Variants in AIMP1 observed in about 807,000 individuals in gnomAD.
AIMP1 encodes aminoacyl tRNA synthase complex-interacting multifunctional protein 1.
AIMP1 carries 24 observed loss-of-function variants against 33.1 expected under a neutral mutation model. The observed-to-expected ratio is 0.73, with a 90% CI of 0.53 to 1.02. The LOEUF (loss-of-function observed/expected upper bound fraction) is 1.02. AIMP1 is among the 50% of genes least tolerant of loss of function. The probability of loss-of-function intolerance (pLI) is 0.00; values close to 1 mark genes in which losing one functional copy is unlikely to be tolerated. For synonymous variants in AIMP1, 120 were observed against 121.5 expected, an observed-to-expected ratio of 0.99 and a Z score of 0.08; for missense variants, 367 against 364.8, an observed-to-expected ratio of 1.01 and a Z score of -0.05.
intron 3 of AIMP1, 147 bp downstream of exon 3, chr4:106,327,711 G>T (rs1004871144): frequency 6.3e-6 from 4 of 636,920 alleles, no homozygotes; most frequent in African/African-American, 5.5e-5. Flanking sequence ...AATAAAATGG[G>T]GGCATGGATA....
At chr4:106,324,858 A>G (rs1332509294) in intron 1 of AIMP1, 127 bp from the exon 2 acceptor site, 4 of 745,002 alleles carry the variant, frequency 5.4e-6, no homozygotes, top group Non-Finnish European at 7.8e-6. Context: ...TAGGAAAACT[A>G]TTTTTCTAAG....
chr4:106,347,010 C>T (rs1220354072), intron 6 of AIMP1, among the ~76,000 whole-genome samples: 10 of 152,052 alleles, frequency 6.6e-5, no homozygotes, highest in Admixed American at 4.6e-4. Flanking sequence ...GAGCATCTTA[C>T]GTGGCAGGAG....
rs183215876 is a variant in AIMP1, at chr4:106,324,455, A to G, written c.-25-530A>G. Among the ~76,000 whole-genome samples the G allele has an allele frequency of 1.2e-3, 178 of 152,194 alleles. 1 individual carries two copies. The highest frequency in any genetic ancestry group is 4.0e-3 in the African/African-American group (167 of 41,576). ...TTTTAAAATAAAGACAACGGTATAT[A>G]CTGACATTATATCTGAACAAGCATA... On this transcript the variant is annotated intron_variant, in intron 1 of 6. Coordinates refer to ENST00000672341, the MANE Select transcript of AIMP1 (RefSeq NM_001142416.2).
intron 2 of AIMP1, among the ~76,000 whole-genome samples, chr4:106,326,418 A>G (rs1007822059): frequency 5.3e-5 from 8 of 152,228 alleles, no homozygotes; most frequent in Non-Finnish European, 8.8e-5. Context: ...AATAAATGCC[A>G]GTACTAACAA....
intron 6 of AIMP1, among the ~76,000 whole-genome samples, chr4:106,343,742 A>G (rs1770189925): frequency 6.6e-6 from 1 of 152,238 alleles, no homozygotes; most frequent in Non-Finnish European, 1.5e-5. Context: ...ACAGTACTAC[A>G]GCTAGGAAAC....
Position 106,337,046 on chromosome 4 carries a change from T to C in AIMP1, c.772+9T>C. 1.2e-6 allele frequency: 2 copies of C among 1,610,780 alleles called. No homozygotes were observed. The highest frequency in any genetic ancestry group is 1.7e-6 in the Non-Finnish European group (2 of 1,177,060). ...TTTTGATGCTTTCCCAGGTAGGTAT[T>C]TATTAGTAATTACTTAATAGTTTCG... On this transcript the variant is annotated intron_variant, in intron 6 of 6. Coordinates refer to ENST00000672341, the MANE Select transcript of AIMP1 (RefSeq NM_001142416.2).
chr4:106,320,747 G>GCCCTCT (rs967401757), intron 1 of AIMP1, among the ~76,000 whole-genome samples: 21 of 152,000 alleles, frequency 1.4e-4, no homozygotes, highest in African/African-American at 2.2e-4. Context: ...GAAAAGTATA[G>GCCCTCT]CCCTCTCCCT....
intron 2 of AIMP1, among the ~76,000 whole-genome samples, chr4:106,326,416 C>T (rs889835601): frequency 6.6e-6 from 1 of 152,138 alleles, no homozygotes; most frequent in Admixed American, 6.6e-5. Flanking sequence ...CCAATAAATG[C>T]CAGTACTAAC....
intron 5 of AIMP1, among the ~76,000 whole-genome samples, chr4:106,335,970 T>A (rs1292410609): frequency 1.3e-5 from 2 of 151,240 alleles, no homozygotes; most frequent in African/African-American, 4.9e-5. Context: ...CATAAAAAAT[T>A]TGTAGAACTA....
At chr4:106,338,304 A>C (rs1769967009) in intron 6 of AIMP1, among the ~76,000 whole-genome samples, 1 of 152,236 alleles carries the variant, frequency 6.6e-6, no homozygotes, top group Non-Finnish European at 1.5e-5. Context: ...AGGGCATTTC[A>C]AAGACCTTCA....
At chr4:106,336,769 A>G in intron 5 of AIMP1, 100 bp from the exon 6 acceptor site, 3 of 1,145,696 alleles carry the variant, frequency 2.6e-6, no homozygotes, top group Non-Finnish European at 4.0e-6. Flanking sequence ...CAAAAGTAGA[A>G]CATTTGATAC....
intron 5 of AIMP1, among the ~76,000 whole-genome samples, chr4:106,332,614 C>CATAT (rs34698470): frequency 1.5e-4 from 22 of 144,674 alleles, no homozygotes; most frequent in Non-Finnish European, 2.9e-4. Flanking sequence ...TACAGAGATA[C>CATAT]ATATATATAT....
chr4:106,323,261 C>G lies in AIMP1; in HGVS notation c.-25-1724C>G, dbSNP rs370013553. Among the ~76,000 whole-genome samples, 9 of 152,070 alleles carry G rather than the reference C, an allele frequency of 5.9e-5. No homozygotes were observed. The East Asian group carries it at 1.7e-3, about 29-fold the overall frequency. Reference sequence around the variant, plus strand: ...GGCTAGGATTTATTATCTCTATTTTCAAAATTACTGTTATTCTTAGAAGAT... The same window carrying G: ...GGCTAGGATTTATTATCTCTATTTTGAAAATTACTGTTATTCTTAGAAGAT... On this transcript the variant is annotated intron_variant, in intron 1 of 6. Transcript: ENST00000672341.
At chr4:106,346,920 A>AC (rs1340839959) in intron 6 of AIMP1, among the ~76,000 whole-genome samples, 3 of 152,174 alleles carry the variant, frequency 2.0e-5, no homozygotes, top group African/African-American at 7.2e-5. Context: ...AGCGGGCTGT[A>AC]CAGGAAGCAT....
intron 4 of AIMP1, among the ~76,000 whole-genome samples, chr4:106,331,404 C>G (rs1769671075): frequency 6.6e-6 from 1 of 152,154 alleles, no homozygotes; most frequent in East Asian, 1.9e-4. Flanking sequence ...AAACAGGCAA[C>G]AGGCTGGATT....
chr4:106,336,114 A>G (rs939794930), intron 5 of AIMP1, among the ~76,000 whole-genome samples: 15 of 129,788 alleles, frequency 1.2e-4, no homozygotes, highest in Non-Finnish European at 2.1e-4. Context: ...ATCAAGGCTC[A>G]TTGCAGCCTC....
At chr4:106,322,886 A>C (rs1356951729) in intron 1 of AIMP1, among the ~76,000 whole-genome samples, 3 of 152,012 alleles carry the variant, frequency 2.0e-5, no homozygotes, top group Admixed American at 2.0e-4. Flanking sequence ...TGGGAGGCTA[A>C]GGCAGGAGAA....
chr4:106,316,026 C>G (rs939898691), upstream of AIMP1: 1 of 152,648 alleles, frequency 6.6e-6, no homozygotes, highest in African/African-American at 2.4e-5. Flanking sequence ...GCTGCCGCTA[C>G]GGCTTAGTGC....
chr4:106,318,583 C>G (rs1036160775), intron 1 of AIMP1, among the ~76,000 whole-genome samples: 6 of 152,124 alleles, frequency 3.9e-5, no homozygotes, highest in Non-Finnish European at 7.4e-5. Context: ...TACTTAACAT[C>G]TCTGAAATAG....
Sources: allele counts gnomAD v4.1 joint callset (sites outside exome capture counted in the v4.1 genomes callset), GRCh38; gene constraint gnomAD v4.1.1; transcripts MANE v1.5; gene names NCBI Gene and HGNC (gene_info 2026-07-23, HGNC 2026-07-21).